The following ZNF407 variants were observed in gnomAD, a reference collection of about 807,000 sequenced individuals.
ZNF407 encodes the protein zinc finger protein 407.
In ZNF407, 17 loss-of-function variants were observed where a neutral mutation model predicts 131.2. The ratio of observed to expected loss-of-function variants is 0.13; its 90% CI spans 0.09 to 0.19. The LOEUF (loss-of-function observed/expected upper bound fraction) is 0.19. Among genes scored for constraint, ZNF407 ranks in the 10% least tolerant of loss-of-function variants. The pLI, the probability that ZNF407 is intolerant of heterozygous loss-of-function variation, is 1.00. For synonymous variants in ZNF407, 1,156 were observed against 1,062.0 expected (o/e 1.09, Z -1.72); for missense variants, 2,681 against 2,830.6 (o/e 0.95, Z 1.20).
chr18:74,598,145 G>A (rs985939384), intron 1 of ZNF407: 1 of 123,388 alleles, frequency 8.1e-6, no homozygotes, highest in Non-Finnish European at 1.7e-5. Flanking sequence ...CCAGACTCAC[G>A]CCCGGACACA....
Position 74,634,187 on chromosome 18 carries a change from G to T in ZNF407, c.3168G>T (p.Val1056=), listed in dbSNP as rs1278226322. The T allele has an allele frequency of 6.2e-7, 1 of 1,614,034 alleles. No individual in the cohort carries two copies. Among genetic ancestry groups the T allele is most frequent in the Admixed American group, 1.7e-5 (1 of 60,022 alleles). Residue 1056 remains valine, a synonymous_variant, in exon 2 of 9, where the codon GTG becomes GTT. Transcript: ENST00000299687. The part of the protein sequence containing the change: ...FYCMACDYYA[V]TRREMTRHAA... ...GCATGGCATGCGATTACTACGCGGTGACTCGTCGCGAGATGACCAGGCATG... is the reference window on the plus strand; with the variant it reads ...GCATGGCATGCGATTACTACGCGGTTACTCGTCGCGAGATGACCAGGCATG...
At chr18:74,968,730 T>A (rs73476476) in intron 8 of ZNF407, among the ~76,000 whole-genome samples, 153 of 152,314 alleles carry the variant, frequency 1.0e-3, no homozygotes, top group African/African-American at 3.6e-3. Flanking sequence ...GTCTTTAAAT[T>A]TCAAAAGTTT....
At chr18:74,770,704 C>T (rs535654729) in intron 3 of ZNF407, among the ~76,000 whole-genome samples, 10 of 152,024 alleles carry the variant, frequency 6.6e-5, no homozygotes, top group Admixed American at 1.3e-4. Flanking sequence ...TCATTTGCTC[C>T]GGGAAATTGT....
intron 8 of ZNF407, among the ~76,000 whole-genome samples, chr18:75,030,399 A>G (rs1171100435): frequency 1.3e-5 from 2 of 152,258 alleles, no homozygotes; most frequent in African/African-American, 4.8e-5. Context: ...TCTGTCTGAA[A>G]TATAATTGAG....
intron 8 of ZNF407, among the ~76,000 whole-genome samples, chr18:74,994,229 C>T (rs1165541862): frequency 2.0e-5 from 3 of 149,176 alleles, no homozygotes; most frequent in African/African-American, 7.6e-5. Flanking sequence ...CAGCTTACTC[C>T]CAAATGGCTC....
intron 7 of ZNF407, among the ~76,000 whole-genome samples, chr18:74,901,241 G>C (rs745730317): frequency 6.6e-6 from 1 of 152,130 alleles, no homozygotes; most frequent in African/African-American, 2.4e-5. Flanking sequence ...TGTTGGAATT[G>C]TTGCTGCTTC....
At chr18:74,760,332 C>T (rs866118781) in intron 3 of ZNF407, among the ~76,000 whole-genome samples, 2 of 152,152 alleles carry the variant, frequency 1.3e-5, no homozygotes, top group Admixed American at 6.6e-5. Flanking sequence ...TAATGTTAGC[C>T]AGAGATGCTA....
In ZNF407 at chr18:74,859,177, C is replaced by T. The variant is rs145183850; in HGVS notation, c.4878-18020C>T. Among the ~76,000 whole-genome samples the T allele has an allele frequency of 2.3e-4, 35 of 152,192 alleles. No individual in the cohort carries two copies. The East Asian group carries it at 5.0e-3, about 22-fold the overall frequency. ...ATATTTCATCTGGTTTGTCTGGGTA[C>T]GCATGTTGAAAGTTATAGCTGAAAT... is the stretch of plus-strand genomic sequence containing the variant. On this transcript the variant is annotated intron_variant, in intron 4 of 8. Coordinates refer to ENST00000299687, the MANE Select transcript of ZNF407 (RefSeq NM_017757.3).
chr18:74,722,984 G>A (rs926760037), intron 3 of ZNF407, among the ~76,000 whole-genome samples: 5 of 151,824 alleles, frequency 3.3e-5, no homozygotes, highest in African/African-American at 9.7e-5. Flanking sequence ...TTAGGTACCC[G>A]AGCTTCTCTT....
chr18:74,690,999 C>T (rs1967207608), intron 3 of ZNF407, among the ~76,000 whole-genome samples: 1 of 152,194 alleles, frequency 6.6e-6, no homozygotes, highest in Non-Finnish European at 1.5e-5. Flanking sequence ...TTAGGAAAGG[C>T]CGAGCGCAGT....
intron 4 of ZNF407, among the ~76,000 whole-genome samples, chr18:74,825,473 T>A (rs1169272079): frequency 2.0e-5 from 3 of 152,250 alleles, no homozygotes; most frequent in African/African-American, 7.2e-5. Context: ...CTCCTTAAGC[T>A]GATAATCAAC....
At chr18:74,688,626 A>G (rs1248726536) in intron 3 of ZNF407, among the ~76,000 whole-genome samples, 4 of 152,258 alleles carry the variant, frequency 2.6e-5, no homozygotes, top group East Asian at 3.9e-4. Flanking sequence ...ATTTTCTTCT[A>G]TTTTTAATAG....
chr18:75,018,625 G>A (rs1973072087), intron 8 of ZNF407, among the ~76,000 whole-genome samples: 1 of 151,662 alleles, frequency 6.6e-6, no homozygotes, highest in South Asian at 2.1e-4. Context: ...AGATAACTTG[G>A]GTAGAAATTA....
intron 8 of ZNF407, among the ~76,000 whole-genome samples, chr18:74,931,869 AT>A (rs1422153256): frequency 2.6e-5 from 4 of 151,890 alleles, no homozygotes; most frequent in African/African-American, 7.3e-5. Flanking sequence ...GAAATACAAT[AT>A]TTTTCCCCTT....
chr18:74,601,298 CAGTT>C (rs915087527), intron 1 of ZNF407, among the ~76,000 whole-genome samples: 13 of 149,314 alleles, frequency 8.7e-5, no homozygotes, highest in Admixed American at 3.4e-4. Context: ...TTGGTTCCTT[CAGTT>C]AGTTGTGTGT....
intron 3 of ZNF407, among the ~76,000 whole-genome samples, chr18:74,650,688 GGCATTTTTGAA>G (rs1233287712): frequency 6.6e-6 from 1 of 152,042 alleles, no homozygotes; most frequent in East Asian, 1.9e-4. Context: ...GGGCCTAGGT[GGCATTTTTGAA>G]GTATTCATGG....
intron 3 of ZNF407, among the ~76,000 whole-genome samples, chr18:74,675,996 C>T (rs1986341273): frequency 6.6e-6 from 1 of 152,060 alleles, no homozygotes; most frequent in Admixed American, 6.6e-5. Flanking sequence ...TATGCTTCTG[C>T]ATGTATAAAA....
intron 3 of ZNF407, among the ~76,000 whole-genome samples, chr18:74,691,067 T>G (rs1214205626): frequency 1.3e-5 from 2 of 151,938 alleles, no homozygotes; most frequent in East Asian, 3.9e-4. Flanking sequence ...TCACCTGAGG[T>G]CAGGAGTTCG....
rs2554131 is a variant in ZNF407 at position 74,903,693 on chromosome 18, G to T, written c.5249+13655G>T. 7.8e-3 allele frequency among the ~76,000 whole-genome samples: 1,194 copies of T among 152,214 alleles called. 16 individuals carry two copies. The highest frequency in any genetic ancestry group is 0.027 in the African/African-American group (1,119 of 41,512). Reference sequence around the variant, plus strand: ...ATATGTAGCGATGAAGAGTTCGGGGGTCTATATTTATTTCAGAGTGGCAAG... The same window carrying T: ...ATATGTAGCGATGAAGAGTTCGGGGTTCTATATTTATTTCAGAGTGGCAAG... On this transcript the variant is annotated intron_variant, in intron 7 of 8. Coordinates refer to ENST00000299687, the MANE Select transcript of ZNF407 (RefSeq NM_017757.3).
Sources: gnomAD v4.1 joint callset for allele counts (sites outside exome capture counted in the v4.1 genomes callset) on GRCh38, gnomAD v4.1.1 for gene constraint, MANE v1.5 for transcripts, NCBI Gene and HGNC (gene_info 2026-07-23, HGNC 2026-07-21) for gene names.